NLGN1: variants seen among roughly 807,000 people sequenced by gnomAD.
The protein encoded by NLGN1 is neuroligin-1.
NLGN1 carries 12 observed loss-of-function variants against 65.5 expected under a neutral mutation model. The observed-to-expected ratio is 0.18, with a 90% CI of 0.12 to 0.30. The LOEUF (loss-of-function observed/expected upper bound fraction) is 0.30. NLGN1 is among the 10% of genes least tolerant of loss of function. NLGN1 has a pLI of 1.00. For synonymous variants in NLGN1, 350 were observed against 359.5 expected (o/e 0.97, Z 0.30); for missense variants, 750 against 1,007.1 (o/e 0.74, Z 3.46).
intron 3 of NLGN1, among the ~76,000 whole-genome samples, chr3:173,734,893 A>G (rs768648448): frequency 2.6e-5 from 4 of 152,234 alleles, no homozygotes. Flanking sequence ...CAACGGCAGA[A>G]TAAAGAGCAT....
At chr3:173,793,629 A>G (rs1036145063) in intron 3 of NLGN1, among the ~76,000 whole-genome samples, 1 of 152,180 alleles carries the variant, frequency 6.6e-6, no homozygotes, top group African/African-American at 2.4e-5. Context: ...ATAAAATTTC[A>G]GAAGTGCTAC....
At chr3:173,869,828 A>T (rs542272469) in intron 4 of NLGN1, among the ~76,000 whole-genome samples, 17 of 151,808 alleles carry the variant, frequency 1.1e-4, no homozygotes, top group South Asian at 1.0e-3. Flanking sequence ...TTTGACTGAA[A>T]TTTTTTTTTG....
intron 2 of NLGN1, among the ~76,000 whole-genome samples, chr3:173,469,825 G>A (rs1407504635): frequency 2.0e-5 from 3 of 151,900 alleles, no homozygotes; most frequent in East Asian, 1.9e-4. Context: ...TAATGTGGAA[G>A]TAATTTAAAA....
intron 4 of NLGN1, among the ~76,000 whole-genome samples, chr3:174,048,485 A>C (rs1734109154): frequency 6.6e-6 from 1 of 152,034 alleles, no homozygotes; most frequent in African/African-American, 2.4e-5. Context: ...GTTTTGCAAA[A>C]ACTTTAAGGA....
intron 3 of NLGN1, among the ~76,000 whole-genome samples, chr3:173,629,400 G>A (rs1418220828): frequency 6.6e-6 from 1 of 152,048 alleles, no homozygotes; most frequent in Non-Finnish European, 1.5e-5. Context: ...GCAGGTGTGG[G>A]CCACTGTGCC....
At chr3:174,103,490 A>G (rs73186522) in intron 4 of NLGN1, among the ~76,000 whole-genome samples, 17,273 of 152,082 alleles carry the variant, frequency 0.11, 1,027 homozygotes, top group East Asian at 0.16. Context: ...GAATGGGAGT[A>G]GATTTTATTT....
At chr3:173,805,818 A>G (rs912513065) in intron 3 of NLGN1, among the ~76,000 whole-genome samples, 1 of 152,204 alleles carries the variant, frequency 6.6e-6, no homozygotes. Flanking sequence ...TAAGAAGCTG[A>G]AACTGTATGT....
At chr3:173,913,186 T>C (rs925047645) in intron 4 of NLGN1, among the ~76,000 whole-genome samples, 2 of 152,052 alleles carry the variant, frequency 1.3e-5, no homozygotes, top group African/African-American at 4.8e-5. Context: ...AAAACATTTA[T>C]AAGAAAGAAT....
At chr3:173,430,517 C>T (rs1398436828) in intron 1 of NLGN1, among the ~76,000 whole-genome samples, 5 of 152,216 alleles carry the variant, frequency 3.3e-5, no homozygotes, top group Non-Finnish European at 7.3e-5. Flanking sequence ...TATCTTACTG[C>T]GTCCTATCAG....
intron 4 of NLGN1, among the ~76,000 whole-genome samples, chr3:173,960,114 A>G (rs572902501): frequency 3.9e-4 from 60 of 152,222 alleles, no homozygotes; most frequent in African/African-American, 1.4e-3. Flanking sequence ...TTTCCTTGGC[A>G]TTACATAAGA....
At chr3:173,730,939 C>A (rs1772729738) in intron 3 of NLGN1, among the ~76,000 whole-genome samples, 2 of 151,954 alleles carry the variant, frequency 1.3e-5, no homozygotes, top group South Asian at 4.1e-4. Context: ...AAAGAGAAAG[C>A]AAACGTATCA....
At chr3:173,435,902 TGAC>T (rs1215260815) in intron 2 of NLGN1, among the ~76,000 whole-genome samples, 2 of 152,098 alleles carry the variant, frequency 1.3e-5, no homozygotes, top group African/African-American at 4.8e-5. Context: ...CAAGGAAGGC[TGAC>T]ATCATTTTTA....
intron 4 of NLGN1, among the ~76,000 whole-genome samples, chr3:174,104,631 A>G (rs1266501236): frequency 6.6e-6 from 1 of 152,242 alleles, no homozygotes; most frequent in Non-Finnish European, 1.5e-5. Flanking sequence ...ATAGTGGTAC[A>G]GAAAAAGTTG....
At chr3:174,108,312 A>T (rs1225380431) in intron 4 of NLGN1, among the ~76,000 whole-genome samples, 3 of 152,110 alleles carry the variant, frequency 2.0e-5, no homozygotes, top group Admixed American at 6.6e-5. Context: ...TGTGAAACTT[A>T]GATTTCTGTT....
intron 4 of NLGN1, among the ~76,000 whole-genome samples, chr3:173,990,108 A>G (rs192134801): frequency 3.9e-5 from 6 of 152,298 alleles, no homozygotes; most frequent in East Asian, 1.9e-4. Flanking sequence ...TTAAATAGAC[A>G]ATCAACAGAT....
chr3:173,617,499 A>G (rs1371951569), intron 3 of NLGN1, among the ~76,000 whole-genome samples: 1 of 152,200 alleles, frequency 6.6e-6, no homozygotes, highest in East Asian at 1.9e-4. Context: ...TCCTCACCAG[A>G]CATAGTAAAT....
At chr3:173,942,469 A>G (rs1746332840) in intron 4 of NLGN1, among the ~76,000 whole-genome samples, 2 of 152,168 alleles carry the variant, frequency 1.3e-5, no homozygotes, top group Admixed American at 1.3e-4. Flanking sequence ...AGTTCAGGTC[A>G]TTGTGACATG....
intron 2 of NLGN1, among the ~76,000 whole-genome samples, chr3:173,589,211 A>C: frequency 6.6e-6 from 1 of 152,220 alleles, no homozygotes; most frequent in East Asian, 1.9e-4. Flanking sequence ...GTTTGTATAG[A>C]AATTTTAGTT....
chr3:174,084,792 A>G (rs1561004287), intron 4 of NLGN1, among the ~76,000 whole-genome samples: 1 of 152,034 alleles, frequency 6.6e-6, no homozygotes, highest in East Asian at 1.9e-4. Context: ...ATCATGATTC[A>G]TGTTTTTATA....
Sources: gnomAD v4.1 joint callset for allele counts (sites outside exome capture counted in the v4.1 genomes callset) on GRCh38, gnomAD v4.1.1 for gene constraint, MANE v1.5 for transcripts, NCBI Gene and HGNC (gene_info 2026-07-23, HGNC 2026-07-21) for gene names.